The following CRPPA variants were observed in gnomAD, a reference collection of about 807,000 sequenced individuals.
CRPPA encodes CDP-L-ribitol pyrophosphorylase A.
A neutral mutation model predicts 52.0 loss-of-function variants in CRPPA; 43 were observed. That is an observed-to-expected ratio of 0.83 (90% CI 0.65 to 1.07). The LOEUF (loss-of-function observed/expected upper bound fraction) is 1.07. CRPPA is among the 50% of genes least tolerant of loss of function. CRPPA has a pLI of 0.00. For missense variants in CRPPA, 629 were observed against 551.7 expected, an observed-to-expected ratio of 1.14 and a Z score of -1.40; for synonymous variants, 250 against 203.5, an observed-to-expected ratio of 1.23 and a Z score of -1.94.
At chr7:16,125,411 A>G (rs1200099504) in intron 9 of CRPPA, among the ~76,000 whole-genome samples, 1 of 152,052 alleles carries the variant, frequency 6.6e-6, no homozygotes. Flanking sequence ...CTATGGGGCC[A>G]TTTATATAGC....
At chr7:16,289,973 G>A (rs1784527158) in intron 5 of CRPPA, among the ~76,000 whole-genome samples, 2 of 152,022 alleles carry the variant, frequency 1.3e-5, no homozygotes, top group South Asian at 4.2e-4. Context: ...TAGTAAGGTT[G>A]CAGAAAACAA....
intron 3 of CRPPA, among the ~76,000 whole-genome samples, chr7:16,334,682 G>C (rs1343584781): frequency 3.3e-5 from 5 of 152,170 alleles, no homozygotes; most frequent in Non-Finnish European, 5.9e-5. Flanking sequence ...TGACGACAAA[G>C]TTGAGCCAGT....
intron 2 of CRPPA, among the ~76,000 whole-genome samples, chr7:16,392,919 TA>T (rs1286514090): frequency 6.6e-6 from 1 of 152,144 alleles, no homozygotes; most frequent in African/African-American, 2.4e-5. Flanking sequence ...ATCTTTTCTC[TA>T]AAAAGTATTC....
rs147213658 is a variant in CRPPA, at chr7:16,103,221, G to A, written c.1252-11422C>T. On this transcript the variant is annotated intron_variant, in intron 9 of 9. Transcript: ENST00000407010. ...ACACAGCAAGAGAAAACAAAACACC[G>A]CATGTTCTCACTCATAAGTGGGAGT... Among the ~76,000 whole-genome samples, 645 of 152,208 alleles carry A rather than the reference G, an allele frequency of 4.2e-3. 11 individuals are homozygous for A. Among genetic ancestry groups the A allele is most frequent in the Non-Finnish European group, 5.5e-3 (376 of 68,004 alleles).
intron 3 of CRPPA, among the ~76,000 whole-genome samples, chr7:16,314,318 A>G (rs1226015499): frequency 6.6e-6 from 1 of 152,040 alleles, no homozygotes; most frequent in Non-Finnish European, 1.5e-5. Context: ...CCACTTTCCA[A>G]TAATGGTGTG....
At chr7:16,128,881 G>C (rs1356390065) in intron 9 of CRPPA, among the ~76,000 whole-genome samples, 2 of 151,926 alleles carry the variant, frequency 1.3e-5, no homozygotes, top group Non-Finnish European at 2.9e-5. Flanking sequence ...AATAACAGAA[G>C]CAAATGATCC....
At chr7:16,221,420 G>A (rs1389562123) in intron 8 of CRPPA, among the ~76,000 whole-genome samples, 1 of 152,146 alleles carries the variant, frequency 6.6e-6, no homozygotes, top group African/African-American at 2.4e-5. Flanking sequence ...AACAGCAATG[G>A]CAACAAAAGC....
rs535964273 is a variant in CRPPA, at chr7:16,327,632, A to G, written c.685-19005T>C. Among the ~76,000 whole-genome samples the G allele has an allele frequency of 5.3e-5, 8 of 150,506 alleles. No homozygotes were observed. In the South Asian group the frequency reaches 1.7e-3, roughly 32 times the overall value. Reference sequence around the variant, plus strand: ...AAAAAAAAAAAAAAAAAAAAAGAGTAAATCCAAGACCACAACTGTCAAGGA... The same window carrying G: ...AAAAAAAAAAAAAAAAAAAAAGAGTGAATCCAAGACCACAACTGTCAAGGA... On this transcript the variant is annotated intron_variant, in intron 3 of 9. Coordinates refer to ENST00000407010, the MANE Select transcript of CRPPA (RefSeq NM_001101426.4).
chr7:16,389,552 A>G lies in CRPPA; in HGVS notation c.535-13311T>C, dbSNP rs528443534. 9.2e-5 allele frequency among the ~76,000 whole-genome samples: 14 copies of G among 152,236 alleles called. No individual in the cohort carries two copies. The East Asian group carries it at 1.5e-3, about 17-fold the overall frequency. On this transcript the variant is annotated intron_variant, in intron 2 of 9. Transcript: ENST00000407010. The stretch of plus-strand genomic sequence containing the variant: ...CATAGAACTCATCTGACAAAATCCA[A>G]CACCCCTTTGTGAGAAAAGCACAAA...
At chr7:16,286,097 A>AAAAAAAAAAAAATATATATATATAT in intron 5 of CRPPA, among the ~76,000 whole-genome samples, 3 of 39,130 alleles carry the variant, frequency 7.7e-5, no homozygotes, top group Non-Finnish European at 1.2e-4. Context: ...TAAAAAAAAA[A>AAAAAAAAAAAAATATATATATATAT]ATATATATAT....
intron 3 of CRPPA, among the ~76,000 whole-genome samples, chr7:16,348,410 A>G (rs887979263): frequency 2.0e-5 from 3 of 152,146 alleles, no homozygotes; most frequent in African/African-American, 7.2e-5. Flanking sequence ...AAGGGCTCAA[A>G]AACTGCTGCT....
intron 9 of CRPPA, among the ~76,000 whole-genome samples, chr7:16,182,544 C>A (rs765048410): frequency 1.3e-5 from 2 of 152,072 alleles, no homozygotes; most frequent in Non-Finnish European, 2.9e-5. Context: ...AAACAAAACT[C>A]CAGTGTTAAC....
intron 3 of CRPPA, among the ~76,000 whole-genome samples, chr7:16,319,328 C>A (rs1220415703): frequency 6.6e-6 from 1 of 152,156 alleles, no homozygotes; most frequent in Non-Finnish European, 1.5e-5. Flanking sequence ...TTGAAGTCCT[C>A]TGATCTTTTC....
chr7:16,208,039 T>G (rs1782015559), intron 9 of CRPPA, among the ~76,000 whole-genome samples: 1 of 152,202 alleles, frequency 6.6e-6, no homozygotes, highest in South Asian at 2.1e-4. Context: ...TTACATGCTT[T>G]TACTGTATGC....
chr7:16,097,942 C>T (rs368071152), intron 9 of CRPPA, among the ~76,000 whole-genome samples: 2 of 152,286 alleles, frequency 1.3e-5, no homozygotes, highest in East Asian at 3.9e-4. Context: ...CCTCAAAAAT[C>T]CTTACTTACT....
intron 9 of CRPPA, among the ~76,000 whole-genome samples, chr7:16,162,646 A>G (rs1780927738): frequency 6.6e-6 from 1 of 152,190 alleles, no homozygotes; most frequent in African/African-American, 2.4e-5. Context: ...AGAAGAATGT[A>G]TATTCTGTTG....
chr7:16,239,497 A>G (rs1395750578), intron 8 of CRPPA, among the ~76,000 whole-genome samples: 2 of 150,364 alleles, frequency 1.3e-5, no homozygotes, highest in Non-Finnish European at 3.0e-5. Flanking sequence ...ATCTTTGTAA[A>G]GAAATAGCAT....
chr7:16,342,812 T>A lies in CRPPA; in HGVS notation c.684+33280A>T, dbSNP rs372774271. On this transcript the variant is annotated intron_variant, in intron 3 of 9. Transcript: ENST00000407010. Reference sequence around the variant, plus strand: ...ATATATATATATCTATATAGATATATAGATATACATATATAGATATATAGA... The same window carrying A: ...ATATATATATATCTATATAGATATAAAGATATACATATATAGATATATAGA... Among the ~76,000 whole-genome samples the A allele has an allele frequency of 9.3e-4, 94 of 101,142 alleles. 11 individuals carry two copies. Among genetic ancestry groups the A allele is most frequent in the African/African-American group, 2.9e-3 (92 of 31,768 alleles). The allele number at this position is 101,142 out of a possible 152,430, so 66.4% of individuals were successfully genotyped here.
rs569091720 is a variant in CRPPA at position 16,234,117 on chromosome 7, A to G, written c.1120-17920T>C. ...AACTTAACATTTCTAAATGTTGCAC[A>G]TATAAACTAAAACAGCAATTTAGTG... On this transcript the variant is annotated intron_variant, in intron 8 of 9. Coordinates refer to ENST00000407010, the MANE Select transcript of CRPPA (RefSeq NM_001101426.4). Among the ~76,000 whole-genome samples the G allele has an allele frequency of 3.9e-5, 6 of 152,296 alleles. No individual in the cohort carries two copies. The East Asian group carries it at 9.6e-4, about 24-fold the overall frequency.
Sources: gnomAD v4.1 joint callset for allele counts (sites outside exome capture counted in the v4.1 genomes callset) on GRCh38, gnomAD v4.1.1 for gene constraint, MANE v1.5 for transcripts, NCBI Gene and HGNC (gene_info 2026-07-23, HGNC 2026-07-21) for gene names.